DTWD2: variants seen among roughly 807,000 people sequenced by gnomAD.
The protein encoded by DTWD2 is DTW motif tRNA-uridine aminocarboxypropyltransferase 2, also known as tRNA-uridine aminocarboxypropyltransferase 2.
In DTWD2, 39 loss-of-function variants were observed where a neutral mutation model predicts 31.8. The observed-to-expected ratio is 1.22, with a 90% CI of 0.95 to 1.60. The LOEUF (loss-of-function observed/expected upper bound fraction) is 1.60. Ranked by LOEUF, DTWD2 falls within the 40% of genes most tolerant of loss-of-function variation. The pLI is 0.00. For synonymous variants in DTWD2, 180 were observed against 142.8 expected, an observed-to-expected ratio of 1.26 and a Z score of -1.86; for missense variants, 515 against 381.5, an observed-to-expected ratio of 1.35 and a Z score of -2.92.
intron 4 of DTWD2, among the ~76,000 whole-genome samples, chr5:118,865,447 A>G (rs529826851): frequency 6.6e-6 from 1 of 152,184 alleles, no homozygotes; most frequent in African/African-American, 2.4e-5. Flanking sequence ...TATGTAAAAA[A>G]AAAATAAATA....
intron 1 of DTWD2, among the ~76,000 whole-genome samples, chr5:118,950,432 G>A (rs1754437900): frequency 6.6e-6 from 1 of 152,266 alleles, no homozygotes; most frequent in Admixed American, 6.5e-5. Flanking sequence ...AAGCGCCTGT[G>A]ATGGTCCAGG....
At chr5:118,841,357 T>C (rs912557461) in intron 5 of DTWD2, among the ~76,000 whole-genome samples, 1 of 152,216 alleles carries the variant, frequency 6.6e-6, no homozygotes, top group East Asian at 1.9e-4. Flanking sequence ...GCATTAGTTT[T>C]ATACATTATT....
chr5:118,891,052 T>C (rs753533501), intron 4 of DTWD2, among the ~76,000 whole-genome samples: 4 of 152,234 alleles, frequency 2.6e-5, no homozygotes, highest in Non-Finnish European at 5.9e-5. Flanking sequence ...ACAACAACTT[T>C]ACCAATAAAG....
intron 4 of DTWD2, among the ~76,000 whole-genome samples, chr5:118,923,862 T>C (rs1020570175): frequency 6.6e-6 from 1 of 152,104 alleles, no homozygotes; most frequent in Non-Finnish European, 1.5e-5. Flanking sequence ...CTGATAGAAG[T>C]TTTGTCCCTG....
At chr5:118,932,826 C>A (rs971231628) in intron 3 of DTWD2, among the ~76,000 whole-genome samples, 1 of 152,102 alleles carries the variant, frequency 6.6e-6, no homozygotes, top group African/African-American at 2.4e-5. Flanking sequence ...GGAAAATAAA[C>A]TTCTCTTTGG....
At chr5:118,968,095 T>C (rs1325307560) in intron 1 of DTWD2, among the ~76,000 whole-genome samples, 2 of 151,902 alleles carry the variant, frequency 1.3e-5, no homozygotes, top group African/African-American at 2.4e-5. Context: ...TTACCAAAAA[T>C]GTATAACCTT....
intron 4 of DTWD2, among the ~76,000 whole-genome samples, chr5:118,871,458 G>A (rs1440651656): frequency 6.6e-6 from 1 of 152,146 alleles, no homozygotes; most frequent in Non-Finnish European, 1.5e-5. Flanking sequence ...CTTATGAAAT[G>A]TATTTCTTAA....
intron 1 of DTWD2, among the ~76,000 whole-genome samples, chr5:118,968,108 T>A (rs1349139419): frequency 6.6e-6 from 1 of 152,066 alleles, no homozygotes; most frequent in Non-Finnish European, 1.5e-5. Flanking sequence ...ATAACCTTGC[T>A]GTAATCATGA....
intron 1 of DTWD2, 133 bp downstream of exon 1, chr5:118,988,161 C>T (rs1422379308): frequency 3.5e-6 from 4 of 1,147,366 alleles, no homozygotes; most frequent in East Asian, 2.5e-5. Context: ...TCCGAGATTT[C>T]CAACGTGCAC....
intron 3 of DTWD2, among the ~76,000 whole-genome samples, chr5:118,938,332 G>A (rs1045527393): frequency 6.6e-6 from 1 of 152,132 alleles, no homozygotes; most frequent in African/African-American, 2.4e-5. Flanking sequence ...ACAACTAACA[G>A]ACGAATTTAG....
At chr5:118,927,377 G>A (rs1044770792) in intron 4 of DTWD2, among the ~76,000 whole-genome samples, 3 of 151,838 alleles carry the variant, frequency 2.0e-5, no homozygotes, top group Admixed American at 6.6e-5. Flanking sequence ...AAAATTGGTC[G>A]AGAAAAAAGT....
At chr5:118,953,938 A>G (rs1002814615) in intron 1 of DTWD2, among the ~76,000 whole-genome samples, 1 of 152,154 alleles carries the variant, frequency 6.6e-6, no homozygotes, top group African/African-American at 2.4e-5. Flanking sequence ...GAGCTTAAAG[A>G]TTCACTTAGA....
chr5:118,911,345 G>A (rs890044859), intron 4 of DTWD2, among the ~76,000 whole-genome samples: 65 of 152,160 alleles, frequency 4.3e-4, no homozygotes, highest in Admixed American at 9.2e-4. Context: ...TATTAGCAAA[G>A]ACAAAAGATA....
At chr5:118,927,037 T>C (rs1357433862) in intron 4 of DTWD2, among the ~76,000 whole-genome samples, 1 of 152,132 alleles carries the variant, frequency 6.6e-6, no homozygotes, top group South Asian at 2.1e-4. Context: ...GAAGTCTTCT[T>C]GCTGTGTCCT....
intron 1 of DTWD2, among the ~76,000 whole-genome samples, chr5:118,978,206 C>A (rs1458210101): frequency 1.3e-5 from 2 of 152,012 alleles, no homozygotes; most frequent in African/African-American, 4.8e-5. Flanking sequence ...CTTCCTTACA[C>A]CTTATACAAA....
chr5:118,976,193 G>A (rs111674815), intron 1 of DTWD2, among the ~76,000 whole-genome samples: 23,217 of 152,138 alleles, frequency 0.15, 1,905 homozygotes, highest in Middle Eastern at 0.23. Context: ...CTAACGCAGC[G>A]TTTAGAGGGA....
intron 4 of DTWD2, among the ~76,000 whole-genome samples, chr5:118,922,705 T>C (rs1753730082): frequency 6.6e-6 from 1 of 152,210 alleles, no homozygotes; most frequent in African/African-American, 2.4e-5. Context: ...AAATAAACTA[T>C]ATACAGTAGA....
chr5:118,898,054 G>C (rs376658057), intron 4 of DTWD2, among the ~76,000 whole-genome samples: 2 of 151,722 alleles, frequency 1.3e-5, no homozygotes, highest in East Asian at 3.9e-4. Context: ...TAGTAGAGAT[G>C]GGTTTTTGCC....
chr5:118,905,555 A>G (rs970762897), intron 4 of DTWD2, among the ~76,000 whole-genome samples: 2 of 152,148 alleles, frequency 1.3e-5, no homozygotes, highest in East Asian at 3.8e-4. Context: ...TTGTTTCTCA[A>G]GCCATCTGGA....
Sources: gnomAD v4.1 joint callset for allele counts (sites outside exome capture counted in the v4.1 genomes callset) on GRCh38, gnomAD v4.1.1 for gene constraint, MANE v1.5 for transcripts, NCBI Gene and HGNC (gene_info 2026-07-23, HGNC 2026-07-21) for gene names.